The following MAPK8 variants were observed in gnomAD, a reference collection of about 807,000 sequenced individuals.
MAPK8 encodes the protein JUN N-terminal kinase.
A neutral mutation model predicts 52.9 loss-of-function variants in MAPK8; 13 were observed. The observed-to-expected ratio is 0.25, with a 90% CI of 0.16 to 0.39. The LOEUF is 0.39. Ranked by LOEUF, MAPK8 falls within the 10% of genes least tolerant of loss-of-function variation. MAPK8 has a pLI of 1.00. For synonymous variants in MAPK8, 191 were observed against 169.8 expected (o/e 1.12, Z -0.97); for missense variants, 300 against 519.2 (o/e 0.58, Z 4.10).
intron 5 of MAPK8, among the ~76,000 whole-genome samples, chr10:48,414,576 T>TC (rs2042959767): frequency 7.2e-6 from 1 of 139,524 alleles, no homozygotes; most frequent in Non-Finnish European, 1.6e-5. Context: ...GAATTTTTTT[T>TC]TTTTTTTTTT....
At chr10:48,334,917 T>C (rs1308681480) in intron 1 of MAPK8, among the ~76,000 whole-genome samples, 2 of 152,198 alleles carry the variant, frequency 1.3e-5, no homozygotes, top group Non-Finnish European at 2.9e-5. Context: ...TCGAGTACTA[T>C]GGGGTTACAA....
intron 1 of MAPK8, among the ~76,000 whole-genome samples, chr10:48,346,610 G>T (rs1364473219): frequency 2.0e-5 from 3 of 152,120 alleles, no homozygotes; most frequent in African/African-American, 7.2e-5. Context: ...TCCACCTCTT[G>T]TGGAGGGCCT....
At chr10:48,324,019 C>T (rs1221167842) in intron 1 of MAPK8, among the ~76,000 whole-genome samples, 1 of 152,168 alleles carries the variant, frequency 6.6e-6, no homozygotes, top group Non-Finnish European at 1.5e-5. Context: ...CTTCATTCTC[C>T]CACATCACTC....
At chr10:48,357,063 A>G (rs1347227018) in intron 1 of MAPK8, among the ~76,000 whole-genome samples, 1 of 152,154 alleles carries the variant, frequency 6.6e-6, no homozygotes, top group Non-Finnish European at 1.5e-5. Flanking sequence ...AATTCCACAT[A>G]TTTAATGCTG....
At chr10:48,399,052 G>A (rs2042028734) in intron 1 of MAPK8, among the ~76,000 whole-genome samples, 1 of 152,008 alleles carries the variant, frequency 6.6e-6, no homozygotes, top group South Asian at 2.1e-4. Context: ...TCCCTGTCTG[G>A]TTGACTCATA....
At chr10:48,347,398 CA>C (rs1175706828) in intron 1 of MAPK8, among the ~76,000 whole-genome samples, 1 of 152,112 alleles carries the variant, frequency 6.6e-6, no homozygotes, top group Non-Finnish European at 1.5e-5. Flanking sequence ...AATTATTTGA[CA>C]AGAATTTTTT....
At chr10:48,314,816 A>G in intron 1 of MAPK8, among the ~76,000 whole-genome samples, 1 of 152,206 alleles carries the variant, frequency 6.6e-6, no homozygotes, top group East Asian at 1.9e-4. Context: ...AATTGGCTCC[A>G]TGCTATTTTT....
chr10:48,432,826 G>A (rs1455774942), intron 11 of MAPK8, among the ~76,000 whole-genome samples: 3 of 152,132 alleles, frequency 2.0e-5, no homozygotes, highest in Non-Finnish European at 2.9e-5. Context: ...AGAAATTGAG[G>A]TTTCTAGACT....
At chr10:48,318,781 T>C in intron 1 of MAPK8, among the ~76,000 whole-genome samples, 1 of 152,150 alleles carries the variant, frequency 6.6e-6, no homozygotes, top group East Asian at 1.9e-4. Context: ...AGTTGTAATG[T>C]CCTCAATGAA....
chr10:48,426,774 C>T, intron 9 of MAPK8: 1 of 486,926 alleles, frequency 2.1e-6, no homozygotes, highest in South Asian at 2.6e-5. Context: ...GGGGGAACAT[C>T]CTAACTCAGG....
intron 6 of MAPK8, among the ~76,000 whole-genome samples, chr10:48,421,588 C>T (rs115248942): frequency 1.3e-5 from 2 of 152,004 alleles, no homozygotes; most frequent in African/African-American, 4.8e-5. Flanking sequence ...GTGGATCACT[C>T]GAGGCTAGGA....
chr10:48,410,377 C>T (rs572623647), intron 5 of MAPK8: 61 of 390,142 alleles, frequency 1.6e-4, no homozygotes, highest in Admixed American at 3.0e-4. Context: ...GGCATGATAC[C>T]AGTCTGCTTT....
chr10:48,337,397 T>TC (rs1844793950), intron 1 of MAPK8, among the ~76,000 whole-genome samples: 1 of 151,198 alleles, frequency 6.6e-6, no homozygotes, highest in Non-Finnish European at 1.5e-5. Flanking sequence ...GAAATACAAT[T>TC]TTTTTTGGAA....
intron 1 of MAPK8, among the ~76,000 whole-genome samples, chr10:48,364,544 G>A (rs750386818): frequency 1.6e-4 from 24 of 152,100 alleles, no homozygotes; most frequent in Non-Finnish European, 3.1e-4. Context: ...CTTATCATGT[G>A]CCAGTTTCTT....
intron 1 of MAPK8, among the ~76,000 whole-genome samples, chr10:48,392,520 T>G (rs1265584082): frequency 6.6e-6 from 1 of 152,060 alleles, no homozygotes; most frequent in Admixed American, 6.6e-5. Flanking sequence ...CTCAGTCTTT[T>G]GATGATACTT....
chr10:48,350,378 T>C (rs1057204812), intron 1 of MAPK8, among the ~76,000 whole-genome samples: 105 of 152,270 alleles, frequency 6.9e-4, no homozygotes, highest in African/African-American at 2.2e-3. Context: ...AGTAAAATCC[T>C]GGCAAACCAA....
At chr10:48,434,081 G>A (rs1416897334) in intron 11 of MAPK8, among the ~76,000 whole-genome samples, 1 of 152,134 alleles carries the variant, frequency 6.6e-6, no homozygotes, top group Non-Finnish European at 1.5e-5. Context: ...ATCCCCTTGA[G>A]AGGATTTCTG....
chr10:48,383,586 A>C (rs1032455176), intron 1 of MAPK8, among the ~76,000 whole-genome samples: 1 of 152,116 alleles, frequency 6.6e-6, no homozygotes, highest in African/African-American at 2.4e-5. Context: ...AATTCCCTGC[A>C]TGTTAACATT....
intron 1 of MAPK8, among the ~76,000 whole-genome samples, chr10:48,357,173 C>G (rs367640843): frequency 3.3e-5 from 5 of 152,098 alleles, no homozygotes; most frequent in African/African-American, 1.2e-4. Context: ...ACTGATAGAA[C>G]AAGCAGAGAA....
Sources: allele counts gnomAD v4.1 joint callset (sites outside exome capture counted in the v4.1 genomes callset), GRCh38; gene constraint gnomAD v4.1.1; transcripts MANE v1.5; gene names NCBI Gene and HGNC (gene_info 2026-07-23, HGNC 2026-07-21).